LRP8: variants seen among roughly 807,000 people sequenced by gnomAD.
The protein encoded by LRP8 is LDL receptor related protein 8, also known as low-density lipoprotein receptor-related protein 8.
LRP8 carries 46 observed loss-of-function variants against 111.6 expected under a neutral mutation model. The ratio of observed to expected loss-of-function variants is 0.41; its 90% CI spans 0.33 to 0.53. The LOEUF (loss-of-function observed/expected upper bound fraction) is 0.53, where lower values mean the gene tolerates loss of function less well. LRP8 is among the 20% of genes least tolerant of loss of function. The probability of loss-of-function intolerance (pLI) is 0.20; values close to 1 mark genes in which losing one functional copy is unlikely to be tolerated. For synonymous variants in LRP8, 464 were observed against 511.2 expected (o/e 0.91, Z 1.24); for missense variants, 959 against 1,297.4 (o/e 0.74, Z 4.01).
rs996859323 is a variant in LRP8, at chr1:53,262,848, G to A, written c.1656-284C>T. ...CACTTCTGGCAGTGCTAACTAACTA[G>A]AGCCCTAGGGTGTCAGTGTGGGGAA... On this transcript the variant is annotated intron_variant, in intron 10 of 18. Transcript: ENST00000306052. The surrounding 1 kb of genome is among the most constrained non-coding windows in gnomAD (Gnocchi z 4.8). Among the ~76,000 whole-genome samples, 1 of 152,202 alleles carries A rather than the reference G, an allele frequency of 6.6e-6. No homozygotes were observed. Among genetic ancestry groups the A allele is most frequent in the Non-Finnish European group, 1.5e-5 (1 of 68,036 alleles).
intron 13 of LRP8, 93 bp from the exon 14 acceptor site, chr1:53,258,564 C>A: frequency 8.5e-7 from 1 of 1,179,388 alleles, no homozygotes; most frequent in Non-Finnish European, 1.2e-6. Context: ...CTGGCTTGCT[C>A]AAAAAGCTTG....
intron 6 of LRP8, among the ~76,000 whole-genome samples, chr1:53,272,808 CTG>C (rs1190678674): frequency 6.6e-6 from 1 of 152,238 alleles, no homozygotes; most frequent in Non-Finnish European, 1.5e-5. Flanking sequence ...CTCTCCTTTC[CTG>C]TGTTATTCCC....
chr1:53,244,425 T>C lies in LRP8; in HGVS notation c.*2593A>G, dbSNP rs1417617785. On this transcript the variant is annotated 3_prime_UTR_variant, in exon 19 of 19. Coordinates refer to ENST00000306052, the MANE Select transcript of LRP8 (RefSeq NM_004631.5). ...GCACGGGGGCAAAAGGCAAAAGATA[T>C]GTAACTGTACCTCAAAATGAGGCTG... The C allele has an allele frequency of 2.0e-5, 3 of 152,370 alleles. No homozygotes were observed. Among genetic ancestry groups the C allele is most frequent in the African/African-American group, 4.8e-5 (2 of 41,584 alleles). 9.4% of individuals were successfully genotyped at this position (152,370 alleles called of 1,614,324 possible). A position where few individuals can be genotyped will look rare whatever the true frequency, so the allele number is the denominator to read the frequency against.
intron 2 of LRP8, among the ~76,000 whole-genome samples, chr1:53,296,610 T>C (rs1196991784): frequency 6.6e-6 from 1 of 152,222 alleles, no homozygotes; most frequent in Admixed American, 6.5e-5. Context: ...AGCCCGCCCC[T>C]GGCCTACTAA....
chr1:53,277,132 G>T (rs1023769610), intron 4 of LRP8, 54 bp from the exon 5 acceptor site: 14 of 1,393,740 alleles, frequency 1.0e-5, no homozygotes, highest in Non-Finnish European at 1.3e-5. Context: ...GGCCGACCTG[G>T]GGCCCCGCTG....
intron 13 of LRP8, 126 bp downstream of exon 13, chr1:53,260,338 G>C: frequency 1.2e-6 from 1 of 809,542 alleles, no homozygotes; most frequent in Non-Finnish European, 2.0e-6. Context: ...CAACAAGAGG[G>C]ATTGTTGTTA....
intron 2 of LRP8, among the ~76,000 whole-genome samples, chr1:53,308,323 C>T (rs1293363352): frequency 2.0e-5 from 3 of 152,170 alleles, no homozygotes; most frequent in South Asian, 2.1e-4. Context: ...CAGTATGCTC[C>T]GAGCAGGCCA....
chr1:53,314,936 G>A (rs947569414), intron 2 of LRP8, among the ~76,000 whole-genome samples: 1 of 152,184 alleles, frequency 6.6e-6, no homozygotes, highest in African/African-American at 2.4e-5. Context: ...TGGGAGGTGA[G>A]GCCAGAGCCC....
chr1:53,272,064 C>T lies in LRP8; in HGVS notation c.1007-718G>A, dbSNP rs1646775535. 5.3e-5 allele frequency among the ~76,000 whole-genome samples: 8 copies of T among 151,938 alleles called. No individual in the cohort carries two copies. The South Asian group carries it at 1.7e-3, about 32-fold the overall frequency. The stretch of plus-strand genomic sequence containing the variant: ...GGAACCTGAACAACACAGGATGCCC[C>T]CCCTAATGTGCTTGTGGTTATTTAA... On this transcript the variant is annotated intron_variant, in intron 6 of 18. Coordinates refer to ENST00000306052, the MANE Select transcript of LRP8 (RefSeq NM_004631.5).
intron 2 of LRP8, among the ~76,000 whole-genome samples, chr1:53,298,576 T>C (rs1572605474): frequency 6.6e-6 from 1 of 152,182 alleles, no homozygotes; most frequent in Non-Finnish European, 1.5e-5. Context: ...AGAAAACTCA[T>C]GACATTCTTA....
intron 2 of LRP8, among the ~76,000 whole-genome samples, chr1:53,298,461 G>A (rs1189454575): frequency 6.6e-6 from 1 of 152,188 alleles, no homozygotes; most frequent in Non-Finnish European, 1.5e-5. Context: ...CTGAGAGCAG[G>A]CAGCACGCTG....
At chr1:53,315,955 C>T (rs1158571648) in intron 2 of LRP8, among the ~76,000 whole-genome samples, 1 of 151,736 alleles carries the variant, frequency 6.6e-6, no homozygotes, top group East Asian at 1.9e-4. Flanking sequence ...GAGGGGAGGG[C>T]AAGGCATGGT....
In LRP8 at chr1:53,317,661, G is replaced by A. The variant is rs559625753; in HGVS notation, c.244+9212C>T. ...ACAGGCTCAGGAAGGGAAGGGAAAC[G>A]CTCATTTTCAGGGCCAGGCTCTGGG... On this transcript the variant is annotated intron_variant, in intron 2 of 18. Transcript: ENST00000306052. This position sits in a 1 kb window ranked among gnomAD's most constrained non-coding sequence, Gnocchi z 4.9. Among the ~76,000 whole-genome samples the A allele has an allele frequency of 6.6e-6, 1 of 152,296 alleles. No homozygotes were observed. Among genetic ancestry groups the A allele is most frequent in the Admixed American group, 6.5e-5 (1 of 15,304 alleles).
At chr1:53,286,995 A>G (rs1647661043) in intron 3 of LRP8, among the ~76,000 whole-genome samples, 1 of 152,268 alleles carries the variant, frequency 6.6e-6, no homozygotes. Flanking sequence ...ATGACTGGGC[A>G]GCTTGCCCGA....
At chr1:53,310,022 C>T (rs189572055) in intron 2 of LRP8, among the ~76,000 whole-genome samples, 1 of 152,128 alleles carries the variant, frequency 6.6e-6, no homozygotes, top group Non-Finnish European at 1.5e-5. Flanking sequence ...ACTGGACTGA[C>T]CTTTCCTGTC....
In LRP8 at chr1:53,271,237, C is replaced by T. The variant is rs1222432846; in HGVS notation, c.1116G>A (p.Lys372=). Residue 372 remains lysine (K), a synonymous_variant, in exon 7 of 19, where the codon AAG becomes AAA. Coordinates refer to ENST00000306052, the MANE Select transcript of LRP8 (RefSeq NM_004631.5). ...GGGAGAAGGTCTCACCGCCACAGGTCTTCTGGTCCAGGAGCTGGAAGCCTG... is the reference window on the plus strand; with the variant it reads ...GGGAGAAGGTCTCACCGCCACAGGTTTTCTGGTCCAGGAGCTGGAAGCCTG... The part of the protein sequence containing the change: ...CPAGFQLLDQ[K]TCGDIDECKD... 1 of 1,613,918 alleles carries T rather than the reference C, an allele frequency of 6.2e-7. No homozygotes were observed. The highest frequency in any genetic ancestry group is 2.2e-5 in the East Asian group (1 of 44,866).
In LRP8 at chr1:53,294,886, CAG is replaced by C. The variant is rs1649408946; in HGVS notation, c.245-5199_245-5198del. ...CCACACGCATCGTGGAGCCCCGGTG[CAG>C]AGAGAAGGCTCCAAAATAAAGATTA... On this transcript the variant is annotated intron_variant, in intron 2 of 18. Coordinates refer to ENST00000306052, the MANE Select transcript of LRP8 (RefSeq NM_004631.5). The surrounding 1 kb of genome is among the most constrained non-coding windows in gnomAD (Gnocchi z 4.1). 6.6e-6 allele frequency among the ~76,000 whole-genome samples: 1 copy of C among 152,254 alleles called. No individual in the cohort carries two copies. The highest frequency in any genetic ancestry group is 6.5e-5 in the Admixed American group (1 of 15,286).
chr1:53,248,265 T>TGAATGCAATGGCCATCCTCCACCAGTGTA (rs1645788722), intron 18 of LRP8, among the ~76,000 whole-genome samples: 1 of 152,240 alleles, frequency 6.6e-6, no homozygotes, highest in Non-Finnish European at 1.5e-5. Context: ...AGTTTTTTTA[T>TGAATGCAATGGCCATCCTCCACCAGTGTA]GAATGCAATG....
At chr1:53,314,881 G>A (rs765136634) in intron 2 of LRP8, among the ~76,000 whole-genome samples, 5 of 152,208 alleles carry the variant, frequency 3.3e-5, no homozygotes, top group Non-Finnish European at 5.9e-5. Context: ...GCTGGGTGGA[G>A]CAGAACCAGA....
Sources: gnomAD v4.1 joint callset for allele counts (sites outside exome capture counted in the v4.1 genomes callset) on GRCh38, gnomAD v4.1.1 for gene constraint, Gnocchi (gnomAD v3.1) non-coding constraint, MANE v1.5 for transcripts, NCBI Gene and HGNC (gene_info 2026-07-23, HGNC 2026-07-21) for gene names.